The following KLF8 variants were observed in gnomAD, a reference collection of about 807,000 sequenced individuals.
The protein encoded by KLF8 is KLF transcription factor 8.
Under a neutral mutation model 18.2 loss-of-function variants are expected in KLF8, and 10 were observed. The ratio of observed to expected loss-of-function variants is 0.55; its 90% CI spans 0.34 to 0.93. The LOEUF (loss-of-function observed/expected upper bound fraction) is 0.93, where lower values mean the gene tolerates loss of function less well. Among genes scored for constraint, KLF8 ranks in the 40% least tolerant of loss-of-function variants. The pLI is 0.02. For missense variants in KLF8, 264 were observed against 277.9 expected (o/e 0.95, Z 0.36); for synonymous variants, 109 against 97.3 (o/e 1.12, Z -0.71).
the KLF8 span, among the ~76,000 whole-genome samples, chrX:55,922,214 C>T: frequency 1.8e-5 from 2 of 112,594 alleles, no homozygotes; most frequent in East Asian, 2.8e-4. Context: ...TGGAATCAAC[C>T]GAAATATCCA....
the KLF8 span, among the ~76,000 whole-genome samples, chrX:56,005,013 T>C: frequency 1.1e-5 from 1 of 92,324 alleles, no homozygotes; most frequent in Admixed American, 1.2e-4. Flanking sequence ...AGCTTCCCTA[T>C]ACCTTTATCC....
chrX:56,222,549 G>C, the KLF8 span, among the ~76,000 whole-genome samples: 1 of 112,890 alleles, frequency 8.9e-6, no homozygotes, highest in Non-Finnish European at 1.9e-5. Flanking sequence ...TCACCCAGTG[G>C]ATCTAGCAGC....
the KLF8 span, among the ~76,000 whole-genome samples, chrX:56,100,454 A>C: frequency 8.9e-6 from 1 of 111,905 alleles, no homozygotes; most frequent in Non-Finnish European, 1.9e-5. Context: ...TTCAAACATT[A>C]TTAAGAAATA....
At chrX:55,955,664 G>A in the KLF8 span, among the ~76,000 whole-genome samples, 126 of 111,394 alleles carry the variant, frequency 1.1e-3, no homozygotes, top group Admixed American at 1.9e-3. Flanking sequence ...TGGGCACCCA[G>A]TATTGCTCAG....
At chrX:55,959,917 G>A in the KLF8 span, among the ~76,000 whole-genome samples, 4 of 110,097 alleles carry the variant, frequency 3.6e-5, no homozygotes, top group African/African-American at 1.3e-4. Flanking sequence ...TACTATAGGA[G>A]ATGACCATTC....
the KLF8 span, among the ~76,000 whole-genome samples, chrX:56,205,417 C>T: frequency 1.8e-3 from 198 of 111,660 alleles, 1 homozygote; most frequent in African/African-American, 6.2e-3. Context: ...TCATAATGCT[C>T]ATTTTAATAC....
At chrX:56,042,720 C>A in the KLF8 span, among the ~76,000 whole-genome samples, 1 of 111,153 alleles carries the variant, frequency 9.0e-6, no homozygotes, top group Non-Finnish European at 1.9e-5. Flanking sequence ...TTATTTTGAG[C>A]CTATGTGTGT....
chrX:56,184,200 A>C, the KLF8 span, among the ~76,000 whole-genome samples: 1 of 112,473 alleles, frequency 8.9e-6, no homozygotes, highest in Non-Finnish European at 1.9e-5. Flanking sequence ...GGCTTAAAAA[A>C]TGGCGCACCA....
At chrX:56,081,104 T>G in the KLF8 span, among the ~76,000 whole-genome samples, 1 of 111,644 alleles carries the variant, frequency 9.0e-6, no homozygotes, top group South Asian at 3.8e-4. Context: ...ATGTCCTCCC[T>G]TAGCTCAGAG....
intron 1 of KLF8, among the ~76,000 whole-genome samples, chrX:56,237,550 A>G (rs1325107081): frequency 2.7e-5 from 3 of 111,313 alleles, no homozygotes; most frequent in Non-Finnish European, 5.6e-5. Flanking sequence ...ATATATGCAC[A>G]TTTTTTAAAT....
At chrX:56,083,683 C>T in the KLF8 span, among the ~76,000 whole-genome samples, 1 of 111,987 alleles carries the variant, frequency 8.9e-6, no homozygotes, top group Admixed American at 9.5e-5. Context: ...GAAACCAGGC[C>T]ATACAGCTGG....
chrX:55,986,869 A>G, the KLF8 span, among the ~76,000 whole-genome samples: 2 of 111,590 alleles, frequency 1.8e-5, no homozygotes, highest in Middle Eastern at 4.7e-3. Flanking sequence ...CTCAAATAAC[A>G]TGTAGTATCT....
chrX:56,179,880 G>C, the KLF8 span, among the ~76,000 whole-genome samples: 1 of 111,645 alleles, frequency 9.0e-6, no homozygotes, highest in Non-Finnish European at 1.9e-5. Flanking sequence ...TGTGCTTCTG[G>C]ATTCAGTTTG....
the KLF8 span, among the ~76,000 whole-genome samples, chrX:55,938,714 G>A: frequency 1.2e-4 from 13 of 110,093 alleles, no homozygotes; most frequent in Admixed American, 9.7e-4. Flanking sequence ...AAAAAGACAG[G>A]GGTTGCAATC....
the KLF8 span, among the ~76,000 whole-genome samples, chrX:55,927,221 G>T: frequency 2.7e-5 from 3 of 111,942 alleles, no homozygotes; most frequent in African/African-American, 9.7e-5. Context: ...GGGCTATCTT[G>T]TCCATTGTAA....
the KLF8 span, among the ~76,000 whole-genome samples, chrX:56,109,764 C>CCTTT: frequency 2.5e-5 from 1 of 40,748 alleles, no homozygotes; most frequent in Non-Finnish European, 5.3e-5. Flanking sequence ...TTATTTTTTC[C>CCTTT]CTTTCTTATT....
chrX:56,076,316 G>T, the KLF8 span, among the ~76,000 whole-genome samples: 1 of 72,635 alleles, frequency 1.4e-5, no homozygotes, highest in Non-Finnish European at 2.5e-5. Flanking sequence ...ACAGTCCCCA[G>T]AGTGTGATGT....
chrX:55,991,558 G>A, the KLF8 span, among the ~76,000 whole-genome samples: 1 of 111,560 alleles, frequency 9.0e-6, no homozygotes, highest in East Asian at 2.8e-4. Context: ...CGGTACCTCA[G>A]TTGGAAATGC....
the KLF8 span, among the ~76,000 whole-genome samples, chrX:56,016,195 TG>T: frequency 9.0e-6 from 1 of 111,723 alleles, no homozygotes; most frequent in Admixed American, 9.6e-5. Flanking sequence ...AATATAATGC[TG>T]GCACAACGCT....
Sources: allele counts gnomAD v4.1 joint callset (sites outside exome capture counted in the v4.1 genomes callset), GRCh38; gene constraint gnomAD v4.1.1; transcripts MANE v1.5; gene names NCBI Gene and HGNC (gene_info 2026-07-23, HGNC 2026-07-21).